Variants in GTF2I observed in about 807,000 individuals in gnomAD.
The protein encoded by GTF2I is general transcription factor IIi, also known as general transcription factor II-I.
Under a neutral mutation model 67.6 loss-of-function variants are expected in GTF2I, and 12 were observed. The observed-to-expected ratio is 0.18, with a 90% confidence interval of 0.11 to 0.29. The LOEUF is 0.29. GTF2I is among the 10% of genes least tolerant of loss of function. The pLI, the probability that GTF2I is intolerant of heterozygous loss-of-function variation, is 1.00. For missense variants in GTF2I, 271 were observed against 580.1 expected (o/e 0.47, Z 5.47); for synonymous variants, 149 against 197.0 (o/e 0.76, Z 2.04).
chr7:74,658,262 T>TCGCCGGGTCTCGAGCCC (rs1221873777), intron 1 of GTF2I, among the ~76,000 whole-genome samples, 194 bp downstream of exon 1: 1 of 147,684 alleles, frequency 6.8e-6, no homozygotes, highest in African/African-American at 2.5e-5. Context: ...CCCCACCGCC[T>TCGCCGGGTCTCGAGCCC]CGCCGGGTCT....
intron 1 of GTF2I, among the ~76,000 whole-genome samples, chr7:74,671,700 G>A (rs368338266): frequency 2.0e-5 from 3 of 151,860 alleles, no homozygotes; most frequent in East Asian, 1.9e-4. Context: ...TTTCACAGCC[G>A]GCTGGCCATG....
chr7:74,706,076 C>T (rs900565609), intron 7 of GTF2I, among the ~76,000 whole-genome samples: 3 of 151,990 alleles, frequency 2.0e-5, no homozygotes, highest in South Asian at 2.1e-4. Context: ...AGCGCCACCA[C>T]GCCTGGCTAA....
chr7:74,678,185 G>A (rs1003436585), intron 1 of GTF2I, among the ~76,000 whole-genome samples: 6 of 150,284 alleles, frequency 4.0e-5, no homozygotes, highest in Non-Finnish European at 5.9e-5. Flanking sequence ...CTCCCAGAGC[G>A]CTGGGATTAC....
In GTF2I at chr7:74,718,918, C is replaced by G; in HGVS notation, c.920C>G (p.Pro307Arg). ...QHVPSETSED[P>R]EVEVTIEDDD... Reference sequence around the variant, plus strand: ...GTCCCTTCAGAAACAAGTGAGGACCCTGAAGTTGAGGTGACTATTGAAGGT... The same window carrying G: ...GTCCCTTCAGAAACAAGTGAGGACCGTGAAGTTGAGGTGACTATTGAAGGT... Residue 307 changes from proline to arginine, a missense_variant, in exon 12 of 35, where the codon CCT becomes CGT. Transcript: ENST00000573035. 2 of 1,572,758 alleles carry G rather than the reference C, an allele frequency of 1.3e-6. No individual in the cohort carries two copies. The highest frequency in any genetic ancestry group is 1.7e-6 in the Non-Finnish European group (2 of 1,154,902).
Position 74,711,075 on chromosome 7 carries a change from A to G in GTF2I, c.729A>G (p.Ser243=), listed in dbSNP as rs1554402441. Residue 243 remains serine (S), a synonymous_variant, in exon 9 of 35, where the codon TCA becomes TCG. Coordinates refer to ENST00000573035, the MANE Select transcript of GTF2I (RefSeq NM_032999.4). ...EMAAVTVKEE[S]EDPDYYQYNI... ...CAGCTGTGACAGTAAAGGAAGAATC[A>G]GAAGATCCTGATTATTATCAATATA... The G allele has an allele frequency of 6.5e-7, 1 of 1,532,728 alleles. No individual in the cohort carries two copies. The highest frequency in any genetic ancestry group is 2.3e-5 in the East Asian group (1 of 42,870). 94.9% of individuals were successfully genotyped at this position (1,532,728 alleles called of 1,614,324 possible).
intron 1 of GTF2I, among the ~76,000 whole-genome samples, chr7:74,669,680 C>T (rs1554389913): frequency 6.6e-6 from 1 of 151,690 alleles, no homozygotes; most frequent in Non-Finnish European, 1.5e-5. Context: ...ACTACAGGTG[C>T]ACGCCACCAT....
intron 1 of GTF2I, among the ~76,000 whole-genome samples, chr7:74,679,223 C>T (rs587677547): frequency 4.6e-5 from 7 of 151,438 alleles, no homozygotes; most frequent in African/African-American, 7.3e-5. Context: ...GGATTACAGG[C>T]GCCCACCACA....
At chr7:74,685,288 G>A (rs960775615) in intron 1 of GTF2I, among the ~76,000 whole-genome samples, 1 of 152,176 alleles carries the variant, frequency 6.6e-6, no homozygotes, top group East Asian at 1.9e-4. Flanking sequence ...TTGAGGTCAC[G>A]AGTTCCAGAC....
At chr7:74,696,523 C>T (rs1016712014) in intron 3 of GTF2I, among the ~76,000 whole-genome samples, 3 of 150,104 alleles carry the variant, frequency 2.0e-5, no homozygotes, top group South Asian at 2.1e-4. Flanking sequence ...GACGGAGTCT[C>T]GCTCTGTCGC....
At chr7:74,668,558 C>CTT (rs1805187977) in intron 1 of GTF2I, among the ~76,000 whole-genome samples, 1 of 151,240 alleles carries the variant, frequency 6.6e-6, no homozygotes, top group African/African-American at 2.4e-5. Flanking sequence ...CCTTAAAGAT[C>CTT]ATATTTATTT....
At chr7:74,673,732 G>C (rs1227758429) in intron 1 of GTF2I, among the ~76,000 whole-genome samples, 1 of 123,510 alleles carries the variant, frequency 8.1e-6, no homozygotes, top group Non-Finnish European at 1.6e-5. Context: ...CCAATCTAAA[G>C]TGCAGTGGTG....
chr7:74,663,969 A>G (rs1239815257), intron 1 of GTF2I, among the ~76,000 whole-genome samples: 1 of 152,064 alleles, frequency 6.6e-6, no homozygotes, highest in African/African-American at 2.4e-5. Context: ...AGCTGGGACT[A>G]TAGGCACCCG....
At chr7:74,750,390 C>G (rs1218080412) in intron 26 of GTF2I, among the ~76,000 whole-genome samples, 1 of 96,432 alleles carries the variant, frequency 1.0e-5, no homozygotes, top group Non-Finnish European at 2.3e-5. Context: ...GGAGATCGTG[C>G]CATTGCACTC....
intron 3 of GTF2I, among the ~76,000 whole-genome samples, chr7:74,697,020 A>G (rs1788991219): frequency 6.7e-6 from 1 of 149,088 alleles, no homozygotes; most frequent in Non-Finnish European, 1.5e-5. Flanking sequence ...TTAAAGAAAA[A>G]TAAAGAAAAA....
At chr7:74,708,945 T>C (rs1554402044) in intron 8 of GTF2I, among the ~76,000 whole-genome samples, 1 of 152,214 alleles carries the variant, frequency 6.6e-6, no homozygotes, top group Non-Finnish European at 1.5e-5. Flanking sequence ...GGACACAGTG[T>C]TCCAGCAGTC....
chr7:74,690,120 C>T (rs1298688840), intron 2 of GTF2I, among the ~76,000 whole-genome samples: 1 of 151,950 alleles, frequency 6.6e-6, no homozygotes, highest in Non-Finnish European at 1.5e-5. Context: ...GAGGCTGAGA[C>T]AGGAGAATTG....
intron 1 of GTF2I, among the ~76,000 whole-genome samples, chr7:74,662,033 G>T (rs1804542994): frequency 6.6e-6 from 1 of 151,954 alleles, no homozygotes; most frequent in African/African-American, 2.4e-5. Context: ...GAGGTAGGGG[G>T]GTTGGGGAGC....
intron 3 of GTF2I, among the ~76,000 whole-genome samples, chr7:74,697,524 CTATT>C (rs1291549677): frequency 1.3e-5 from 2 of 152,294 alleles, no homozygotes; most frequent in Non-Finnish European, 1.5e-5. Context: ...CCACATGTAT[CTATT>C]TGTTATCGTG....
intron 1 of GTF2I, among the ~76,000 whole-genome samples, chr7:74,660,954 G>T (rs1804434272): frequency 6.6e-6 from 1 of 152,146 alleles, no homozygotes; most frequent in Admixed American, 6.6e-5. Flanking sequence ...TTACATTTGA[G>T]TGTCTTCCGT....
Sources: gnomAD v4.1 joint callset for allele counts (sites outside exome capture counted in the v4.1 genomes callset) on GRCh38, gnomAD v4.1.1 for gene constraint, MANE v1.5 for transcripts, NCBI Gene and HGNC (gene_info 2026-07-23, HGNC 2026-07-21) for gene names.